LRP1B: variants seen among roughly 807,000 people sequenced by gnomAD.
LRP1B encodes low-density lipoprotein receptor-related protein 1B.
A neutral mutation model predicts 556.6 loss-of-function variants in LRP1B; 217 were observed. The ratio of observed to expected loss-of-function variants is 0.39; its 90% CI spans 0.35 to 0.44. The LOEUF (loss-of-function observed/expected upper bound fraction) is 0.44, where lower values mean the gene tolerates loss of function less well. Among genes scored for constraint, LRP1B ranks in the 20% least tolerant of loss-of-function variants. LRP1B has a pLI of 1.00. For missense variants in LRP1B, 5,053 were observed against 5,620.8 expected (o/e 0.90, Z 3.23); for synonymous variants, 2,047 against 1,865.8 (o/e 1.10, Z -2.50).
At chr2:140,908,809 T>C (rs2105234124) in intron 21 of LRP1B, among the ~76,000 whole-genome samples, 1 of 152,328 alleles carries the variant, frequency 6.6e-6, no homozygotes, top group Non-Finnish European at 1.5e-5. Flanking sequence ...TTTGTTTTGT[T>C]TTGTTTTGTG....
intron 18 of LRP1B, among the ~76,000 whole-genome samples, chr2:140,968,045 A>G (rs1185430596): frequency 8.0e-6 from 1 of 125,662 alleles, no homozygotes; most frequent in Non-Finnish European, 1.7e-5. Context: ...CTGGCCTCAT[A>G]AAATGAGTTA....
intron 35 of LRP1B, among the ~76,000 whole-genome samples, chr2:140,748,862 C>A (rs553739145): frequency 8.6e-5 from 7 of 81,836 alleles, no homozygotes; most frequent in African/African-American, 3.5e-4. Flanking sequence ...TATATATACA[C>A]ACACACACAC....
intron 49 of LRP1B, among the ~76,000 whole-genome samples, chr2:140,525,133 C>T (rs1434282557): frequency 6.6e-6 from 1 of 151,654 alleles, no homozygotes; most frequent in Non-Finnish European, 1.5e-5. Flanking sequence ...ACATGAAAAA[C>T]ATGGGTGTAG....
chr2:141,450,451 G>T (rs1033545489), intron 3 of LRP1B, among the ~76,000 whole-genome samples: 1 of 152,060 alleles, frequency 6.6e-6, no homozygotes, highest in Non-Finnish European at 1.5e-5. Context: ...ATGAGTTGAT[G>T]TGTATAAAGT....
At chr2:141,259,653 AC>A (rs1684613260) in intron 3 of LRP1B, among the ~76,000 whole-genome samples, 1 of 152,210 alleles carries the variant, frequency 6.6e-6, no homozygotes, top group South Asian at 2.1e-4. Flanking sequence ...ACCCAACTGG[AC>A]TGTGATATCA....
At chr2:140,494,155 T>C (rs1688816962) in intron 56 of LRP1B, among the ~76,000 whole-genome samples, 1 of 152,216 alleles carries the variant, frequency 6.6e-6, no homozygotes, top group Admixed American at 6.5e-5. Flanking sequence ...AAAATTTGTA[T>C]GAGTTTCTAA....
At chr2:141,201,391 C>T (rs1027907822) in intron 6 of LRP1B, among the ~76,000 whole-genome samples, 3 of 152,072 alleles carry the variant, frequency 2.0e-5, no homozygotes, top group African/African-American at 7.2e-5. Context: ...TATCTATCCC[C>T]TACCAAGAAA....
At chr2:141,367,483 T>TC (rs1220752474) in intron 3 of LRP1B, among the ~76,000 whole-genome samples, 2 of 128,632 alleles carry the variant, frequency 1.6e-5, no homozygotes, top group Non-Finnish European at 1.6e-5. Flanking sequence ...TTTTTTTTTT[T>TC]TTTTTTTTTT....
chr2:141,636,173 T>C (rs949674782), intron 2 of LRP1B, among the ~76,000 whole-genome samples: 9 of 152,110 alleles, frequency 5.9e-5, no homozygotes, highest in Non-Finnish European at 7.4e-5. Flanking sequence ...AAAAAGAAGA[T>C]ACATAAAAAT....
rs148786988 is a variant in LRP1B, at chr2:140,344,016, C to T, written c.11892+6781G>A. Among the ~76,000 whole-genome samples, 7 of 151,506 alleles carry T rather than the reference C, an allele frequency of 4.6e-5. No homozygotes were observed. In the East Asian group the frequency reaches 5.9e-4, roughly 13 times the overall value. Reference sequence around the variant, plus strand: ...ATAGACACGTTCATTAGTTTGATTGCGATGATGGTCAGAACTTGTGAAATT... The same window carrying T: ...ATAGACACGTTCATTAGTTTGATTGTGATGATGGTCAGAACTTGTGAAATT... On this transcript the variant is annotated intron_variant, in intron 77 of 90. Coordinates refer to ENST00000389484, the MANE Select transcript of LRP1B (RefSeq NM_018557.3).
At chr2:141,909,580 T>C (rs2104949521) in intron 1 of LRP1B, among the ~76,000 whole-genome samples, 1 of 149,492 alleles carries the variant, frequency 6.7e-6, no homozygotes, top group Admixed American at 6.7e-5. Context: ...GGAGGGACAT[T>C]TTGTTTAAAT....
At chr2:140,388,476 G>A (rs1683864406) in intron 66 of LRP1B, among the ~76,000 whole-genome samples, 1 of 151,770 alleles carries the variant, frequency 6.6e-6, no homozygotes, top group African/African-American at 2.4e-5. Flanking sequence ...TTGTATCATA[G>A]TTTGTGTTTA....
intron 2 of LRP1B, among the ~76,000 whole-genome samples, chr2:141,776,142 G>A (rs377172968): frequency 5.3e-5 from 8 of 152,186 alleles, no homozygotes; most frequent in South Asian, 2.1e-4. Flanking sequence ...CACCAGCCCC[G>A]CCAAGTTTTC....
chr2:140,905,952 C>T (rs955126298), intron 22 of LRP1B, among the ~76,000 whole-genome samples: 1 of 151,824 alleles, frequency 6.6e-6, no homozygotes, highest in East Asian at 1.9e-4. Flanking sequence ...TAAAAATTTC[C>T]CTAAAAAAAA....
chr2:141,760,449 C>G (rs571489953), intron 2 of LRP1B, among the ~76,000 whole-genome samples: 1 of 152,036 alleles, frequency 6.6e-6, no homozygotes, highest in Admixed American at 6.5e-5. Flanking sequence ...TTTTCTCAAA[C>G]AAAAACATAT....
At chr2:140,962,978 A>G (rs1047652811) in intron 18 of LRP1B, among the ~76,000 whole-genome samples, 2 of 152,210 alleles carry the variant, frequency 1.3e-5, no homozygotes, top group African/African-American at 4.8e-5. Context: ...AAAACGCTGC[A>G]GGGAAATACA....
chr2:141,688,211 C>A (rs547779023), intron 2 of LRP1B, among the ~76,000 whole-genome samples: 4 of 151,882 alleles, frequency 2.6e-5, no homozygotes, highest in East Asian at 1.9e-4. Context: ...AATATACACA[C>A]ACACACACAC....
Position 142,016,680 on chromosome 2 carries a change from G to T in LRP1B, c.82+113968C>A, listed in dbSNP as rs1270857293. Among the ~76,000 whole-genome samples, 5 of 151,954 alleles carry T rather than the reference G, an allele frequency of 3.3e-5. No individual in the cohort carries two copies. In the East Asian group the frequency reaches 9.7e-4, roughly 29 times the overall value. On this transcript the variant is annotated intron_variant, in intron 1 of 90. Transcript: ENST00000389484. The stretch of plus-strand genomic sequence containing the variant: ...ACATCATACACTGGGGCCTGTTGGG[G>T]GGTAGGGGCTAGGGGATGGATAGCA...
chr2:142,092,340 A>ATT (rs11375211), intron 1 of LRP1B, among the ~76,000 whole-genome samples: 6,487 of 151,886 alleles, frequency 0.043, 224 homozygotes, highest in Non-Finnish European at 0.058. Context: ...TAGTTTTTGG[A>ATT]TTTTTTTGGC....
Sources: allele counts gnomAD v4.1 joint callset (sites outside exome capture counted in the v4.1 genomes callset), GRCh38; gene constraint gnomAD v4.1.1; transcripts MANE v1.5; gene names NCBI Gene and HGNC (gene_info 2026-07-23, HGNC 2026-07-21).